PKHD1: variants seen among roughly 807,000 people sequenced by gnomAD.
PKHD1 encodes PKHD1 ciliary IPT domain containing fibrocystin/polyductin, also known as fibrocystin.
In PKHD1, 291 loss-of-function variants were observed where a neutral mutation model predicts 412.0. The observed-to-expected ratio is 0.71, with a 90% confidence interval of 0.64 to 0.78. The LOEUF (loss-of-function observed/expected upper bound fraction) is 0.78. PKHD1 is among the 30% of genes least tolerant of loss of function. The pLI is 0.00. For missense variants in PKHD1, 4,825 were observed against 4,950.7 expected, an observed-to-expected ratio of 0.97 and a Z score of 0.76; for synonymous variants, 1,777 against 1,821.5, an observed-to-expected ratio of 0.98 and a Z score of 0.62.
intron 36 of PKHD1, among the ~76,000 whole-genome samples, chr6:51,944,965 G>A (rs1789232617): frequency 6.6e-6 from 1 of 152,216 alleles, no homozygotes; most frequent in Non-Finnish European, 1.5e-5. Context: ...AGCAAGGTCA[G>A]TCTACAGGCT....
chr6:52,033,910 C>G (rs1234478316), intron 28 of PKHD1, among the ~76,000 whole-genome samples: 1 of 151,910 alleles, frequency 6.6e-6, no homozygotes, highest in Non-Finnish European at 1.5e-5. Flanking sequence ...GGGTGGATCA[C>G]CTGAGATCAG....
Position 51,904,085 on chromosome 6 carries a change from C to A in PKHD1, c.6809-43G>T, listed in dbSNP as rs933852060. On this transcript the variant is annotated intron_variant, in intron 41 of 66. Transcript: ENST00000371117. Reference sequence around the variant, plus strand: ...CATTACTTGAGTATATTTTATGTCACTTAGGAAAACAAGAGATGCTGCAAC... The same window carrying A: ...CATTACTTGAGTATATTTTATGTCAATTAGGAAAACAAGAGATGCTGCAAC... 2.3e-6 allele frequency: 3 copies of A among 1,304,592 alleles called. No individual in the cohort carries two copies. The South Asian group carries it at 3.5e-5, about 15-fold the overall frequency. The allele number at this position is 1,304,592 out of a possible 1,614,324, so 80.8% of individuals were successfully genotyped here.
chr6:51,672,735 C>CTT (rs1775205972), intron 60 of PKHD1, among the ~76,000 whole-genome samples: 1 of 152,086 alleles, frequency 6.6e-6, no homozygotes, highest in Non-Finnish European at 1.5e-5. Flanking sequence ...ATTTCAGCTG[C>CTT]ATAAGAAGGG....
intron 53 of PKHD1, among the ~76,000 whole-genome samples, chr6:51,784,238 T>A (rs566984678): frequency 6.7e-6 from 1 of 148,674 alleles, no homozygotes; most frequent in Non-Finnish European, 1.5e-5. Flanking sequence ...AGAGGCTTCA[T>A]ATAGGTTGGT....
At chr6:51,869,990 A>T (rs1775721557) in intron 47 of PKHD1, among the ~76,000 whole-genome samples, 1 of 152,062 alleles carries the variant, frequency 6.6e-6, no homozygotes, top group African/African-American at 2.4e-5. Context: ...CACCTCTGAG[A>T]TGTGGTTAAA....
intron 37 of PKHD1, among the ~76,000 whole-genome samples, chr6:51,925,377 G>T (rs1056720799): frequency 9.9e-5 from 15 of 152,086 alleles, no homozygotes; most frequent in Non-Finnish European, 1.0e-4. Flanking sequence ...GGTTAATTTT[G>T]CGCATCAACT....
intron 51 of PKHD1, among the ~76,000 whole-genome samples, chr6:51,834,374 C>T (rs529127520): frequency 6.6e-6 from 1 of 152,084 alleles, no homozygotes; most frequent in East Asian, 1.9e-4. Flanking sequence ...AAAGAATACC[C>T]GATGATCTGG....
At chr6:51,772,551 TAAA>T in intron 55 of PKHD1, 148 bp downstream of exon 55, 1 of 515,946 alleles carries the variant, frequency 1.9e-6, no homozygotes, top group Non-Finnish European at 3.4e-6. Flanking sequence ...AGATATTTTT[TAAA>T]TTCCCTATAA....
intron 35 of PKHD1, among the ~76,000 whole-genome samples, chr6:51,978,284 G>A (rs1349404167): frequency 6.6e-6 from 1 of 152,124 alleles, no homozygotes; most frequent in Non-Finnish European, 1.5e-5. Flanking sequence ...AAATTATATT[G>A]GACTGAATTG....
At position 51,767,933 on chromosome 6, in the gene PKHD1, A is replaced by G. The variant is rs534059147; in HGVS notation, c.8642+4769T>C. On this transcript the variant is annotated intron_variant, in intron 55 of 66. Transcript: ENST00000371117. The stretch of plus-strand genomic sequence containing the variant: ...GTTGAACTAGTTTACAGTCCCACCA[A>G]CAGTGTAAAAGTGTTCCTATTTCTC... 2.5e-3 allele frequency among the ~76,000 whole-genome samples: 383 copies of G among 152,224 alleles called. 3 individuals carry two copies. The highest frequency in any genetic ancestry group is 3.2e-3 in the Admixed American group (49 of 15,284).
intron 60 of PKHD1, among the ~76,000 whole-genome samples, chr6:51,697,468 G>C (rs544158452): frequency 6.6e-6 from 1 of 152,112 alleles, no homozygotes; most frequent in Non-Finnish European, 1.5e-5. Flanking sequence ...TTCAGAATGG[G>C]GGCTGTCAAC....
At chr6:51,779,581 T>C (rs1291137276) in intron 53 of PKHD1, among the ~76,000 whole-genome samples, 1 of 152,144 alleles carries the variant, frequency 6.6e-6, no homozygotes, top group Non-Finnish European at 1.5e-5. Context: ...AACTTGGTAA[T>C]TTTTACCAAC....
intron 52 of PKHD1, among the ~76,000 whole-genome samples, chr6:51,824,939 AGGT>A (rs755638464): frequency 1.8e-4 from 27 of 152,152 alleles, no homozygotes; most frequent in Non-Finnish European, 3.5e-4. Context: ...GGCAGAGAAG[AGGT>A]GGTGTAATTA....
At chr6:51,997,857 C>G (rs1249333678) in intron 35 of PKHD1, among the ~76,000 whole-genome samples, 1 of 152,178 alleles carries the variant, frequency 6.6e-6, no homozygotes, top group Non-Finnish European at 1.5e-5. Flanking sequence ...TAAGTCCCAT[C>G]AGTCGTTTCT....
chr6:51,823,931 C>T (rs899582172), intron 52 of PKHD1, among the ~76,000 whole-genome samples: 4 of 152,048 alleles, frequency 2.6e-5, no homozygotes, highest in African/African-American at 9.7e-5. Context: ...AAATTCAATC[C>T]TATTTTAGGA....
intron 60 of PKHD1, among the ~76,000 whole-genome samples, chr6:51,718,360 T>G (rs1377205682): frequency 2.0e-5 from 3 of 152,206 alleles, no homozygotes; most frequent in African/African-American, 7.2e-5. Context: ...CCTAGAAACC[T>G]TAAGCACACT....
At chr6:51,887,271 A>C in intron 43 of PKHD1, 26 bp from the exon 44 acceptor site, 2 of 1,390,052 alleles carry the variant, frequency 1.4e-6, no homozygotes, top group Non-Finnish European at 2.1e-6. Flanking sequence ...AGAGTTAAAA[A>C]ATAGTTACCC....
intron 55 of PKHD1, among the ~76,000 whole-genome samples, chr6:51,760,119 T>A (rs1359700740): frequency 6.6e-6 from 1 of 152,126 alleles, no homozygotes; most frequent in East Asian, 1.9e-4. Context: ...TAAACTAAGT[T>A]GTTATAATAA....
At chr6:51,714,138 G>A (rs896202504) in intron 60 of PKHD1, among the ~76,000 whole-genome samples, 8 of 152,126 alleles carry the variant, frequency 5.3e-5, no homozygotes, top group African/African-American at 7.2e-5. Context: ...TTGGGAGGCC[G>A]AGGTGGGCGA....
Sources: allele counts gnomAD v4.1 joint callset (sites outside exome capture counted in the v4.1 genomes callset), GRCh38; gene constraint gnomAD v4.1.1; transcripts MANE v1.5; gene names NCBI Gene and HGNC (gene_info 2026-07-23, HGNC 2026-07-21).